PPP1R9A: variants seen among roughly 807,000 people sequenced by gnomAD.
PPP1R9A encodes neurabin-1.
In PPP1R9A, 59 loss-of-function variants were observed where a neutral mutation model predicts 141.9. That is an observed-to-expected ratio of 0.42 (90% confidence interval 0.34 to 0.52). PPP1R9A has a LOEUF of 0.52. Among genes scored for constraint, PPP1R9A ranks in the 20% least tolerant of loss-of-function variants. The pLI, the probability that PPP1R9A is intolerant of heterozygous loss-of-function variation, is 0.10. For synonymous variants in PPP1R9A, 500 were observed against 569.7 expected, an observed-to-expected ratio of 0.88 and a Z score of 1.74; for missense variants, 1,444 against 1,611.9, an observed-to-expected ratio of 0.90 and a Z score of 1.78.
chr7:94,988,304 C>T (rs1182979024), intron 2 of PPP1R9A, among the ~76,000 whole-genome samples: 6 of 151,978 alleles, frequency 3.9e-5, no homozygotes, highest in African/African-American at 1.4e-4. Context: ...ACAATAGATC[C>T]TCCATATCTT....
intron 2 of PPP1R9A, among the ~76,000 whole-genome samples, chr7:95,057,316 A>T (rs1166617981): frequency 6.6e-6 from 1 of 152,124 alleles, no homozygotes; most frequent in East Asian, 1.9e-4. Context: ...AGCAAATAAT[A>T]AAGAAAAGAA....
intron 7 of PPP1R9A, among the ~76,000 whole-genome samples, chr7:95,221,430 T>C (rs1314279062): frequency 6.6e-6 from 1 of 152,048 alleles, no homozygotes; most frequent in African/African-American, 2.4e-5. Context: ...ATATAACAGA[T>C]ACTCTCTGTT....
At chr7:95,167,875 A>T (rs1227364724) in intron 5 of PPP1R9A, among the ~76,000 whole-genome samples, 1 of 152,170 alleles carries the variant, frequency 6.6e-6, no homozygotes, top group Non-Finnish European at 1.5e-5. Context: ...GAAAACTACA[A>T]ACACTGATGA....
intron 16 of PPP1R9A, among the ~76,000 whole-genome samples, chr7:95,276,534 T>C (rs1020883988): frequency 2.0e-5 from 3 of 152,194 alleles, no homozygotes; most frequent in African/African-American, 4.8e-5. Flanking sequence ...TCAGAAATTA[T>C]TGTACACATA....
intron 2 of PPP1R9A, among the ~76,000 whole-genome samples, chr7:95,079,301 G>A (rs1373047040): frequency 3.3e-5 from 5 of 152,068 alleles, no homozygotes; most frequent in Non-Finnish European, 5.9e-5. Context: ...TAGATATGCG[G>A]CATTATTTCT....
At chr7:95,236,488 A>G (rs898723342) in intron 8 of PPP1R9A, among the ~76,000 whole-genome samples, 3 of 151,796 alleles carry the variant, frequency 2.0e-5, no homozygotes, top group Admixed American at 6.6e-5. Flanking sequence ...AGAAATGTAG[A>G]TATTTCCTTT....
chr7:95,100,719 A>G (rs1235853358), intron 2 of PPP1R9A, among the ~76,000 whole-genome samples: 1 of 152,172 alleles, frequency 6.6e-6, no homozygotes, highest in African/African-American at 2.4e-5. Context: ...CTTGGATGGA[A>G]GGTGGTATTC....
intron 2 of PPP1R9A, among the ~76,000 whole-genome samples, chr7:94,934,922 G>A (rs556004652): frequency 6.6e-6 from 1 of 151,918 alleles, no homozygotes; most frequent in African/African-American, 2.4e-5. Context: ...TCACAGGTGT[G>A]GTCATAATTC....
chr7:95,144,793 T>C (rs1266950172), intron 4 of PPP1R9A, among the ~76,000 whole-genome samples: 1 of 152,178 alleles, frequency 6.6e-6, no homozygotes, highest in East Asian at 1.9e-4. Flanking sequence ...AGGTAAACTA[T>C]TCCTGTTGTA....
chr7:95,204,593 AAC>A (rs565840287), intron 7 of PPP1R9A, among the ~76,000 whole-genome samples: 1 of 151,322 alleles, frequency 6.6e-6, no homozygotes, highest in Non-Finnish European at 1.5e-5. Flanking sequence ...ACACATGCTT[AAC>A]ACACACACAC....
chr7:95,270,192 G>A (rs1327955869), intron 14 of PPP1R9A, among the ~76,000 whole-genome samples: 3 of 152,042 alleles, frequency 2.0e-5, no homozygotes, highest in Non-Finnish European at 4.4e-5. Context: ...GCCCCTGAAA[G>A]GTAAAGAAAG....
intron 4 of PPP1R9A, among the ~76,000 whole-genome samples, chr7:95,126,494 G>T (rs921861520): frequency 1.3e-5 from 2 of 152,246 alleles, no homozygotes; most frequent in African/African-American, 4.8e-5. Flanking sequence ...AACTGGCCAG[G>T]ATGAGATAGT....
intron 2 of PPP1R9A, among the ~76,000 whole-genome samples, chr7:94,912,824 T>G (rs1791618429): frequency 6.6e-6 from 1 of 152,246 alleles, no homozygotes; most frequent in East Asian, 1.9e-4. Context: ...CAGATGTCAA[T>G]TCAGTTTGAA....
At position 94,953,249 on chromosome 7, in the gene PPP1R9A, T is replaced by C. The variant is rs1438743789; in HGVS notation, c.1395+41741T>C. On this transcript the variant is annotated intron_variant, in intron 2 of 19. Coordinates refer to ENST00000433360, the MANE Select transcript of PPP1R9A (RefSeq NM_001166160.2). ...CCATTGCTTGTTTCTGTCAGGTTTG[T>C]CAAAGATCAGATGGTTGTAGATGTG... Among the ~76,000 whole-genome samples, 14 of 152,324 alleles carry C rather than the reference T, an allele frequency of 9.2e-5. No homozygotes were observed. In the East Asian group the frequency reaches 2.7e-3, roughly 29 times the overall value.
intron 5 of PPP1R9A, among the ~76,000 whole-genome samples, chr7:95,164,845 T>C (rs566384654): frequency 2.0e-5 from 3 of 151,496 alleles, no homozygotes; most frequent in Non-Finnish European, 4.4e-5. Context: ...TTCCTAGAGC[T>C]TAAGAATAGT....
chr7:95,274,855 A>G (rs564832311), intron 16 of PPP1R9A, among the ~76,000 whole-genome samples: 1 of 152,120 alleles, frequency 6.6e-6, no homozygotes, highest in Non-Finnish European at 1.5e-5. Flanking sequence ...ATAACTTTTA[A>G]ATCTTGGGCA....
At chr7:95,073,626 T>G (rs991422072) in intron 2 of PPP1R9A, among the ~76,000 whole-genome samples, 2 of 38,930 alleles carry the variant, frequency 5.1e-5, no homozygotes, top group Admixed American at 2.1e-4. Flanking sequence ...AGAAATAAGT[T>G]TTTTTTTTTT....
chr7:95,180,614 T>G (rs979917088), intron 5 of PPP1R9A, among the ~76,000 whole-genome samples: 5 of 150,336 alleles, frequency 3.3e-5, no homozygotes, highest in African/African-American at 1.2e-4. Flanking sequence ...GAGAAAATCT[T>G]TGCCATCTAC....
At chr7:95,139,118 G>GA (rs1296272729) in intron 4 of PPP1R9A, among the ~76,000 whole-genome samples, 1 of 152,176 alleles carries the variant, frequency 6.6e-6, no homozygotes, top group Non-Finnish European at 1.5e-5. Context: ...ACACTGCTAT[G>GA]AAGAAATACC....
Sources: allele counts gnomAD v4.1 joint callset (sites outside exome capture counted in the v4.1 genomes callset), GRCh38; gene constraint gnomAD v4.1.1; transcripts MANE v1.5; gene names NCBI Gene and HGNC (gene_info 2026-07-23, HGNC 2026-07-21).